The following CACNG2 variants were observed in gnomAD, a reference collection of about 807,000 sequenced individuals.
The protein encoded by CACNG2 is calcium voltage-gated channel auxiliary subunit gamma 2.
A neutral mutation model predicts 25.9 loss-of-function variants in CACNG2; 3 were observed. The ratio of observed to expected loss-of-function variants is 0.12; its 90% CI spans 0.05 to 0.30. The LOEUF (loss-of-function observed/expected upper bound fraction) is 0.30. Among genes scored for constraint, CACNG2 ranks in the 10% least tolerant of loss-of-function variants. The pLI is 1.00. For synonymous variants in CACNG2, 167 were observed against 173.3 expected, an observed-to-expected ratio of 0.96 and a Z score of 0.29; for missense variants, 341 against 432.5, an observed-to-expected ratio of 0.79 and a Z score of 1.88.
chr22:36,586,248 C>G (rs1935500604), intron 2 of CACNG2, among the ~76,000 whole-genome samples: 1 of 152,234 alleles, frequency 6.6e-6, no homozygotes, highest in Admixed American at 6.5e-5. Context: ...GGAGCTCAAC[C>G]CACGTTTACC....
chr22:36,672,442 C>A (rs1006309520), intron 1 of CACNG2, among the ~76,000 whole-genome samples: 11 of 152,170 alleles, frequency 7.2e-5, no homozygotes, highest in Non-Finnish European at 1.5e-4. Context: ...AGGCGTGAGC[C>A]ACTGTGAATA....
rs1569057421 is a variant in CACNG2 at position 36,702,847 on chromosome 22, A to ATTT, written c.-272_-271insAAA. ...TTCCAGTTGCAGTGTTTTTTTTTTA[A>ATTT]AAAGAAAAGGAAAAAAAAAATAAAA... On this transcript the variant is annotated 5_prime_UTR_variant, in exon 1 of 4. Coordinates refer to ENST00000300105, the MANE Select transcript of CACNG2 (RefSeq NM_006078.5). The ATTT allele has an allele frequency of 7.9e-5, 21 of 264,420 alleles. No homozygotes were observed. The highest frequency in any genetic ancestry group is 2.0e-4 in the African/African-American group (8 of 40,628). The allele number at this position is 264,420 out of a possible 1,614,324, so 16.4% of individuals were successfully genotyped here.
intron 1 of CACNG2, among the ~76,000 whole-genome samples, chr22:36,654,187 G>GT (rs903378413): frequency 2.0e-5 from 3 of 151,924 alleles, no homozygotes; most frequent in African/African-American, 4.8e-5. Context: ...TTTGAGGAAT[G>GT]TTTTTTTTAA....
intron 1 of CACNG2, among the ~76,000 whole-genome samples, chr22:36,688,612 T>A (rs1937231623): frequency 6.6e-6 from 1 of 151,946 alleles, no homozygotes; most frequent in Non-Finnish European, 1.5e-5. Flanking sequence ...ACTAGTGGCT[T>A]TCCCAGATCT....
chr22:36,588,921 T>C (rs1935545091), intron 1 of CACNG2, among the ~76,000 whole-genome samples: 2 of 152,032 alleles, frequency 1.3e-5, no homozygotes, highest in African/African-American at 2.4e-5. Context: ...TCTTATAAAA[T>C]AGGGGCAGAT....
chr22:36,657,488 T>C (rs927887926), intron 1 of CACNG2, among the ~76,000 whole-genome samples: 2 of 152,006 alleles, frequency 1.3e-5, no homozygotes, highest in Admixed American at 6.6e-5. Flanking sequence ...GAAGAAGAGG[T>C]GTGCACGTTG....
intron 2 of CACNG2, among the ~76,000 whole-genome samples, chr22:36,579,674 C>T (rs191657984): frequency 2.3e-4 from 35 of 152,206 alleles, no homozygotes; most frequent in Admixed American, 1.9e-3. Flanking sequence ...AAGTCCTGGT[C>T]CCCACCCCTT....
rs1027984854 is a variant in CACNG2, at chr22:36,581,454, T to A, written c.295+6011A>T. 2.0e-5 allele frequency among the ~76,000 whole-genome samples: 3 copies of A among 152,356 alleles called. No homozygotes were observed. The East Asian group carries it at 5.8e-4, about 29-fold the overall frequency. ...GGACAACATCTTAAGCTTGGCCTGC[T>A]GGCTTGAGCGCGGTGAGCCCCACCA... is the stretch of plus-strand genomic sequence containing the variant. On this transcript the variant is annotated intron_variant, in intron 2 of 3. Coordinates refer to ENST00000300105, the MANE Select transcript of CACNG2 (RefSeq NM_006078.5).
At chr22:36,662,708 C>T (rs563829433) in intron 1 of CACNG2, among the ~76,000 whole-genome samples, 68 of 152,322 alleles carry the variant, frequency 4.5e-4, no homozygotes, top group Non-Finnish European at 9.0e-4. Context: ...ACATAATAAT[C>T]GCGGAGTAAA....
At chr22:36,633,889 C>T (rs1396605744) in intron 1 of CACNG2, among the ~76,000 whole-genome samples, 3 of 152,056 alleles carry the variant, frequency 2.0e-5, no homozygotes, top group Non-Finnish European at 2.9e-5. Context: ...GTGGATCTGT[C>T]GCTCTCACTG....
Position 36,564,205 on chromosome 22 carries a change from T to G in CACNG2, c.*146A>C, listed in dbSNP as rs914968724. 6.8e-5 allele frequency: 44 copies of G among 642,626 alleles called. No homozygotes were observed. The highest frequency in any genetic ancestry group is 1.2e-4 in the East Asian group (4 of 34,188). 39.8% of individuals were successfully genotyped at this position (642,626 alleles called of 1,614,324 possible). On this transcript the variant is annotated 3_prime_UTR_variant, in exon 4 of 4. Transcript: ENST00000300105. The surrounding 1 kb of genome is among the most constrained non-coding windows in gnomAD (Gnocchi z 6.7). ...TTTCTCTTTTTTTGTGTGTGTGTGTTTTTTTGTTTTTTGTTTTTTTGTTTT... is the reference window on the plus strand; with the variant it reads ...TTTCTCTTTTTTTGTGTGTGTGTGTGTTTTTGTTTTTTGTTTTTTTGTTTT...
chr22:36,683,385 T>C (rs567095412), intron 1 of CACNG2, among the ~76,000 whole-genome samples: 4 of 152,280 alleles, frequency 2.6e-5, no homozygotes, highest in Admixed American at 6.5e-5. Flanking sequence ...ATCTAAGAGA[T>C]TGAGTCAGGA....
chr22:36,566,203 A>C (rs968156138), intron 3 of CACNG2, 150 bp downstream of exon 3: 24 of 776,106 alleles, frequency 3.1e-5, no homozygotes, highest in Admixed American at 4.2e-5. Context: ...GAGCCCCCCC[A>C]CCACCTTCCT....
chr22:36,681,440 C>T (rs1353049540), intron 1 of CACNG2, among the ~76,000 whole-genome samples: 1 of 152,202 alleles, frequency 6.6e-6, no homozygotes, highest in Non-Finnish European at 1.5e-5. Context: ...TTTGTCAGCA[C>T]CTGGCTCTTT....
chr22:36,574,542 A>AGGCTGAGGCCGGTGGATC (rs1284342936), intron 2 of CACNG2, among the ~76,000 whole-genome samples: 2 of 152,160 alleles, frequency 1.3e-5, no homozygotes, highest in Admixed American at 6.5e-5. Context: ...GCACTTTGGA[A>AGGCTGAGGCCGGTGGATC]GGCTGAGGCC....
At chr22:36,680,900 C>T (rs1937113306) in intron 1 of CACNG2, among the ~76,000 whole-genome samples, 1 of 151,290 alleles carries the variant, frequency 6.6e-6, no homozygotes, top group South Asian at 2.1e-4. Flanking sequence ...TCACCATCAT[C>T]ACCACCACCA....
chr22:36,663,707 G>A (rs763220066), intron 1 of CACNG2, among the ~76,000 whole-genome samples: 1 of 152,182 alleles, frequency 6.6e-6, no homozygotes, highest in Admixed American at 6.5e-5. Flanking sequence ...ATCCCTGGGC[G>A]CCTCAGATGA....
At chr22:36,637,838 A>G (rs1394253083) in intron 1 of CACNG2, among the ~76,000 whole-genome samples, 1 of 152,146 alleles carries the variant, frequency 6.6e-6, no homozygotes, top group Non-Finnish European at 1.5e-5. Flanking sequence ...CCTGGCCAAC[A>G]TGGTGAAACT....
At chr22:36,626,714 G>C (rs1200608286) in intron 1 of CACNG2, among the ~76,000 whole-genome samples, 1 of 152,158 alleles carries the variant, frequency 6.6e-6, no homozygotes, top group Non-Finnish European at 1.5e-5. Context: ...AGATTTTCCA[G>C]CTCTAATGTT....
Sources: gnomAD v4.1 joint callset for allele counts (sites outside exome capture counted in the v4.1 genomes callset) on GRCh38, gnomAD v4.1.1 for gene constraint, Gnocchi (gnomAD v3.1) non-coding constraint, MANE v1.5 for transcripts, NCBI Gene and HGNC (gene_info 2026-07-23, HGNC 2026-07-21) for gene names.